Variants in ANO6 observed in about 807,000 individuals in gnomAD.
The protein encoded by ANO6 is anoctamin-6.
In ANO6, 106 loss-of-function variants were observed where a neutral mutation model predicts 117.5. That is an observed-to-expected ratio of 0.90 (90% CI 0.77 to 1.06). ANO6 has a LOEUF of 1.06. Among genes scored for constraint, ANO6 ranks in the 50% least tolerant of loss-of-function variants. The pLI, the probability that ANO6 is intolerant of heterozygous loss-of-function variation, is 0.00. For missense variants in ANO6, 955 were observed against 1,121.1 expected, an observed-to-expected ratio of 0.85 and a Z score of 2.12; for synonymous variants, 367 against 385.1, an observed-to-expected ratio of 0.95 and a Z score of 0.55.
intron 16 of ANO6, among the ~76,000 whole-genome samples, chr12:45,413,481 C>T (rs938582386): frequency 6.6e-6 from 1 of 152,170 alleles, no homozygotes; most frequent in African/African-American, 2.4e-5. Context: ...GAAAGTTGGA[C>T]ACAACAGTCA....
chr12:45,398,276 C>G (rs1290797716), intron 12 of ANO6, among the ~76,000 whole-genome samples: 1 of 152,066 alleles, frequency 6.6e-6, no homozygotes, highest in African/African-American at 2.4e-5. Flanking sequence ...AATATGATGA[C>G]CAATAACCAT....
chr12:45,313,096 C>T (rs1205119587), intron 2 of ANO6: 1 of 152,042 alleles, frequency 6.6e-6, no homozygotes, highest in African/African-American at 2.4e-5. Flanking sequence ...AATATACCAT[C>T]TGTGAGATAT....
intron 8 of ANO6, among the ~76,000 whole-genome samples, chr12:45,357,940 A>T (rs1405155479): frequency 6.6e-6 from 1 of 152,236 alleles, no homozygotes; most frequent in Admixed American, 6.5e-5. Flanking sequence ...TACAATGTTT[A>T]AAAAAATGTA....
At chr12:45,332,618 A>G (rs1245524799) in intron 3 of ANO6, among the ~76,000 whole-genome samples, 1 of 151,998 alleles carries the variant, frequency 6.6e-6, no homozygotes, top group Non-Finnish European at 1.5e-5. Flanking sequence ...GATGACAGGG[A>G]CTTAACACAA....
At chr12:45,243,940 A>G (rs1947783765) in intron 1 of ANO6, among the ~76,000 whole-genome samples, 2 of 152,248 alleles carry the variant, frequency 1.3e-5, no homozygotes, top group African/African-American at 2.4e-5. Flanking sequence ...AACTTGCCTG[A>G]TACTATGCAG....
rs543583694 is a variant in ANO6 at position 45,260,919 on chromosome 12, C to T, written c.71-41095C>T. Among the ~76,000 whole-genome samples the T allele has an allele frequency of 4.4e-4, 67 of 152,062 alleles. 1 individual carries two copies. The highest frequency in any genetic ancestry group is 1.5e-3 in the East Asian group (8 of 5,176). On this transcript the variant is annotated intron_variant, in intron 1 of 19. Transcript: ENST00000320560. ...CCTCTTGCTTCTGCTTCTTGAGTAACGAGGACTGCAAGCATGTGCCACCGC... is the reference window on the plus strand; with the variant it reads ...CCTCTTGCTTCTGCTTCTTGAGTAATGAGGACTGCAAGCATGTGCCACCGC...
intron 16 of ANO6, among the ~76,000 whole-genome samples, chr12:45,414,119 G>C (rs112927396): frequency 3.4e-4 from 52 of 152,048 alleles, no homozygotes; most frequent in African/African-American, 1.2e-3. Flanking sequence ...AGCAGGATGC[G>C]GGGCTTCAGG....
intron 3 of ANO6, chr12:45,335,534 G>A (rs1302910874): frequency 6.6e-6 from 1 of 151,962 alleles, no homozygotes; most frequent in Non-Finnish European, 1.5e-5. Flanking sequence ...AATCCAAAAT[G>A]CACCAAAACG....
chr12:45,352,288 T>C (rs1302472903), intron 7 of ANO6, among the ~76,000 whole-genome samples: 1 of 152,110 alleles, frequency 6.6e-6, no homozygotes, highest in Admixed American at 6.6e-5. Context: ...TATAAACTCA[T>C]AGCTAATCTT....
At chr12:45,374,371 G>A (rs1474578005) in intron 9 of ANO6, among the ~76,000 whole-genome samples, 57 of 96,398 alleles carry the variant, frequency 5.9e-4, no homozygotes, top group African/African-American at 2.3e-3. Flanking sequence ...GCATCATTCT[G>A]ATACCAAAGC....
intron 10 of ANO6, among the ~76,000 whole-genome samples, chr12:45,381,995 C>T (rs1255908853): frequency 2.0e-5 from 3 of 151,528 alleles, no homozygotes; most frequent in South Asian, 2.1e-4. Flanking sequence ...GAAGATGACA[C>T]TCAGGAAGAT....
chr12:45,289,994 T>C (rs1235206446), intron 1 of ANO6, among the ~76,000 whole-genome samples: 1 of 152,162 alleles, frequency 6.6e-6, no homozygotes, highest in African/African-American at 2.4e-5. Flanking sequence ...GCTGAACTCA[T>C]TTGATGTAGA....
chr12:45,220,908 G>A (rs1040485761), intron 1 of ANO6, among the ~76,000 whole-genome samples: 1 of 152,242 alleles, frequency 6.6e-6, no homozygotes, highest in Admixed American at 6.5e-5. Flanking sequence ...TCATGCCTAT[G>A]TAATAAAGCC....
intron 10 of ANO6, among the ~76,000 whole-genome samples, chr12:45,380,493 C>T (rs1007933934): frequency 7.9e-5 from 12 of 152,250 alleles, no homozygotes; most frequent in Non-Finnish European, 1.6e-4. Context: ...GTGACTGTTA[C>T]TTTCAGACCT....
chr12:45,371,898 C>A (rs1432521540), intron 9 of ANO6, among the ~76,000 whole-genome samples: 38 of 151,520 alleles, frequency 2.5e-4, no homozygotes, highest in African/African-American at 8.0e-4. Context: ...AGGCTTCAGA[C>A]GATCAAATTA....
chr12:45,317,702 C>T (rs1187877873), intron 2 of ANO6, among the ~76,000 whole-genome samples: 1 of 152,172 alleles, frequency 6.6e-6, no homozygotes, highest in Non-Finnish European at 1.5e-5. Context: ...GCCACACTGA[C>T]TTCCACAATG....
At chr12:45,255,656 G>A (rs1011013845) in intron 1 of ANO6, among the ~76,000 whole-genome samples, 1 of 152,078 alleles carries the variant, frequency 6.6e-6, no homozygotes, top group Non-Finnish European at 1.5e-5. Flanking sequence ...TGAGAACTCT[G>A]GGAGTTACAA....
chr12:45,316,990 T>C (rs1940052611), intron 2 of ANO6, among the ~76,000 whole-genome samples: 2 of 149,054 alleles, frequency 1.3e-5, no homozygotes, highest in Non-Finnish European at 3.0e-5. Flanking sequence ...TATTAATTCA[T>C]GTAAATATAA....
chr12:45,318,266 T>G (rs1254326822), intron 2 of ANO6, among the ~76,000 whole-genome samples: 2 of 152,310 alleles, frequency 1.3e-5, no homozygotes, highest in South Asian at 2.1e-4. Flanking sequence ...GGTCTAACAT[T>G]TAAGTCTTTA....
Sources: allele counts gnomAD v4.1 joint callset (sites outside exome capture counted in the v4.1 genomes callset), GRCh38; gene constraint gnomAD v4.1.1; transcripts MANE v1.5; gene names NCBI Gene and HGNC (gene_info 2026-07-23, HGNC 2026-07-21).